Variants in EXOC2 observed in about 807,000 individuals in gnomAD.
The protein encoded by EXOC2 is exocyst complex component 2.
A neutral mutation model predicts 131.8 loss-of-function variants in EXOC2; 70 were observed. That is an observed-to-expected ratio of 0.53 (90% CI 0.44 to 0.65). EXOC2 has a LOEUF of 0.65. Among genes scored for constraint, EXOC2 ranks in the 30% least tolerant of loss-of-function variants. EXOC2 has a pLI of 0.00. For missense variants in EXOC2, 923 were observed against 1,108.6 expected (o/e 0.83, Z 2.38); for synonymous variants, 411 against 398.4 (o/e 1.03, Z -0.38).
intron 16 of EXOC2, among the ~76,000 whole-genome samples, chr6:563,233 C>T (rs1757793378): frequency 6.6e-6 from 1 of 152,160 alleles, no homozygotes; most frequent in African/African-American, 2.4e-5. Flanking sequence ...TTTTTGAATC[C>T]TACAGATTCC....
chr6:657,077 T>G, intron 1 of EXOC2: 2 of 743,454 alleles, frequency 2.7e-6, no homozygotes, highest in Non-Finnish European at 4.1e-6. Flanking sequence ...GGCACTCGGG[T>G]TCCCGGTTGC....
At chr6:654,257 C>T (rs986597637) in intron 1 of EXOC2, among the ~76,000 whole-genome samples, 9 of 152,154 alleles carry the variant, frequency 5.9e-5, no homozygotes, top group East Asian at 3.9e-4. Flanking sequence ...AAATTTTGTA[C>T]GTTTATAGCT....
chr6:615,171 ATGTGGG>A (rs1044415749), intron 6 of EXOC2, among the ~76,000 whole-genome samples: 32 of 119,458 alleles, frequency 2.7e-4, no homozygotes, highest in African/African-American at 7.3e-4. Flanking sequence ...TGAAAAGTAT[ATGTGGG>A]TGTGGGTGTG....
chr6:581,341 A>G (rs1415649618), intron 11 of EXOC2, among the ~76,000 whole-genome samples: 2 of 152,052 alleles, frequency 1.3e-5, no homozygotes, highest in Non-Finnish European at 1.5e-5. Context: ...TCAGAATTTT[A>G]TAATATTTGT....
At chr6:691,426 C>G (rs1764918720) in intron 1 of EXOC2, among the ~76,000 whole-genome samples, 1 of 152,212 alleles carries the variant, frequency 6.6e-6, no homozygotes, top group Non-Finnish European at 1.5e-5. Flanking sequence ...CCCTCCTCTT[C>G]TTCCTCCTCC....
At position 491,280 on chromosome 6, in the gene EXOC2, G is replaced by A. The variant is rs1763418457; in HGVS notation, c.2560-94C>T. Reference sequence around the variant, plus strand: ...GTTAAGGGTCTCCAGCCTGCTCATCGTAGGATGGGGTTGGCGTAATACCAC... The same window carrying A: ...GTTAAGGGTCTCCAGCCTGCTCATCATAGGATGGGGTTGGCGTAATACCAC... On this transcript the variant is annotated intron_variant, in intron 25 of 27. Coordinates refer to ENST00000230449, the MANE Select transcript of EXOC2 (RefSeq NM_018303.6). 1.4e-5 allele frequency: 18 copies of A among 1,288,346 alleles called. 1 individual carries two copies. Among genetic ancestry groups the A allele is most frequent in the South Asian group, 1.2e-4 (10 of 82,150 alleles). The allele number at this position is 1,288,346 out of a possible 1,614,324, so 79.8% of individuals were successfully genotyped here.
intron 23 of EXOC2, among the ~76,000 whole-genome samples, chr6:502,289 G>C (rs191643122): frequency 6.6e-6 from 1 of 152,324 alleles, no homozygotes; most frequent in East Asian, 1.9e-4. Context: ...ACAAGTGTCA[G>C]GATTTGGGGC....
intron 1 of EXOC2, among the ~76,000 whole-genome samples, chr6:687,171 C>CTTTCTTTTTTTTTT (rs1764696677): frequency 1.3e-5 from 1 of 78,360 alleles, no homozygotes; most frequent in African/African-American, 5.1e-5. Context: ...AAATAATATT[C>CTTTCTTTTTTTTTT]TTTTTTTTTT....
At chr6:657,019 T>C in intron 1 of EXOC2, 1 of 1,255,414 alleles carries the variant, frequency 8.0e-7, no homozygotes, top group Non-Finnish European at 1.1e-6. Context: ...TCCGCTGGGG[T>C]CCGTGGCGCT....
rs766057387 is a variant in EXOC2 at position 576,803 on chromosome 6, T to C, written c.1272A>G (p.Thr424=). The change falls in exon 12 of 28, where the codon ACA becomes ACG. Residue 424 remains threonine (T), a synonymous_variant. Coordinates refer to ENST00000230449, the MANE Select transcript of EXOC2 (RefSeq NM_018303.6). The stretch of plus-strand genomic sequence containing the variant: ...AGCTGCTGCCCCTCTTCAGGGACGC[T>C]GTCTGACTGAGATGGCCCAACACTG... ...RPSVLGHLSQ[T]ASLKRGSSFQ... 6.2e-7 allele frequency: 1 copy of C among 1,614,178 alleles called. No homozygotes were observed.
chr6:499,190 C>T (rs1763899405), intron 24 of EXOC2, among the ~76,000 whole-genome samples: 1 of 152,126 alleles, frequency 6.6e-6, no homozygotes, highest in South Asian at 2.1e-4. Context: ...TCGGCCTGCC[C>T]CGAGTCTCTT....
intron 23 of EXOC2, among the ~76,000 whole-genome samples, chr6:505,643 T>A (rs1405469671): frequency 6.6e-6 from 1 of 152,230 alleles, no homozygotes; most frequent in Non-Finnish European, 1.5e-5. Context: ...GTTGTCCTCC[T>A]GGGCACTGTG....
chr6:684,566 C>T (rs1011851271), intron 1 of EXOC2, among the ~76,000 whole-genome samples: 1 of 152,160 alleles, frequency 6.6e-6, no homozygotes, highest in African/African-American at 2.4e-5. Context: ...AAACCATCTG[C>T]CTCTTTTCCT....
intron 7 of EXOC2, among the ~76,000 whole-genome samples, chr6:599,686 A>G (rs182988998): frequency 3.9e-5 from 6 of 152,340 alleles, no homozygotes; most frequent in Admixed American, 2.6e-4. Flanking sequence ...AAAGTTGCTC[A>G]ATAGAAATAT....
At chr6:659,821 GAACTTTGT>G (rs2127757649) in intron 1 of EXOC2, among the ~76,000 whole-genome samples, 1 of 152,304 alleles carries the variant, frequency 6.6e-6, no homozygotes, top group African/African-American at 2.4e-5. Context: ...ATCTCTAACT[GAACTTTGT>G]AACAATTTCA....
At chr6:572,408 T>G in intron 13 of EXOC2, 112 bp downstream of exon 13, 1 of 1,320,972 alleles carries the variant, frequency 7.6e-7, no homozygotes, top group East Asian at 2.4e-5. Flanking sequence ...ACTATGACGA[T>G]GGCTAGAGAT....
At chr6:590,798 G>C (rs1392610867) in intron 11 of EXOC2, among the ~76,000 whole-genome samples, 1 of 152,092 alleles carries the variant, frequency 6.6e-6, no homozygotes, top group East Asian at 1.9e-4. Context: ...TCCTGAGTTT[G>C]CTTCTTTTTT....
chr6:560,291 T>G (rs1376957438), intron 17 of EXOC2, among the ~76,000 whole-genome samples: 1 of 152,228 alleles, frequency 6.6e-6, no homozygotes, highest in Non-Finnish European at 1.5e-5. Context: ...TCAGACAGAC[T>G]ACATGGCTTC....
chr6:550,903 A>G (rs961408681), intron 21 of EXOC2, among the ~76,000 whole-genome samples: 13 of 152,186 alleles, frequency 8.5e-5, no homozygotes, highest in African/African-American at 3.1e-4. Context: ...AGCCTGCCAC[A>G]TCTTCTCTGC....
Sources: allele counts gnomAD v4.1 joint callset (sites outside exome capture counted in the v4.1 genomes callset), GRCh38; gene constraint gnomAD v4.1.1; transcripts MANE v1.5; gene names NCBI Gene and HGNC (gene_info 2026-07-23, HGNC 2026-07-21).